GNG7: variants seen among roughly 807,000 people sequenced by gnomAD.
GNG7 encodes the protein G protein subunit gamma 7, also known as guanine nucleotide-binding protein G(I)/G(S)/G(O) subunit gamma-7.
In GNG7, 1 loss-of-function variant was observed where a neutral mutation model predicts 4.0. That is an observed-to-expected ratio of 0.25 (90% CI 0.09 to 1.18). The LOEUF (loss-of-function observed/expected upper bound fraction) is 1.18. Ranked by LOEUF, GNG7 falls within the 50% of genes most tolerant of loss-of-function variation. GNG7 has a pLI of 0.50. For synonymous variants in GNG7, 34 were observed against 36.9 expected, an observed-to-expected ratio of 0.92 and a Z score of 0.29; for missense variants, 86 against 91.9, an observed-to-expected ratio of 0.94 and a Z score of 0.26.
chr19:2,521,150 C>T (rs1161995163), intron 3 of GNG7, among the ~76,000 whole-genome samples: 1 of 151,470 alleles, frequency 6.6e-6, no homozygotes. Context: ...CCTATAGTCC[C>T]AGCTACTCTG....
At chr19:2,550,807 T>C (rs745588594) in intron 3 of GNG7, among the ~76,000 whole-genome samples, 1 of 152,040 alleles carries the variant, frequency 6.6e-6, no homozygotes, top group Non-Finnish European at 1.5e-5. Context: ...CTAGGAGAAC[T>C]AAAGGAATTG....
chr19:2,516,344 C>G (rs1972734750), intron 4 of GNG7, among the ~76,000 whole-genome samples: 1 of 152,024 alleles, frequency 6.6e-6, no homozygotes, highest in South Asian at 2.1e-4. Flanking sequence ...CCTGCCTCAG[C>G]CTCCTGAGTA....
chr19:2,580,502 G>C (rs891105468), intron 2 of GNG7, among the ~76,000 whole-genome samples: 1 of 151,660 alleles, frequency 6.6e-6, no homozygotes, highest in Admixed American at 6.6e-5. Flanking sequence ...TGTTAGCCAG[G>C]CTGGTCTCGA....
At chr19:2,652,578 C>T (rs897715977) in intron 1 of GNG7, among the ~76,000 whole-genome samples, 1 of 152,156 alleles carries the variant, frequency 6.6e-6, no homozygotes, top group Non-Finnish European at 1.5e-5. Flanking sequence ...GGGATCGTGC[C>T]ACCTGCACTC....
chr19:2,522,702 A>G (rs1248373286), intron 3 of GNG7, among the ~76,000 whole-genome samples: 1 of 131,378 alleles, frequency 7.6e-6, no homozygotes, highest in Non-Finnish European at 1.6e-5. Flanking sequence ...CAGTGAGCAG[A>G]GATCACGCCA....
At chr19:2,637,224 C>T (rs1599433786) in intron 2 of GNG7, among the ~76,000 whole-genome samples, 1 of 152,166 alleles carries the variant, frequency 6.6e-6, no homozygotes, top group East Asian at 1.9e-4. Flanking sequence ...CCCCCGCCCC[C>T]GAGCCCGGCC....
chr19:2,696,939 G>A (rs540173993), intron 1 of GNG7, among the ~76,000 whole-genome samples: 8 of 152,266 alleles, frequency 5.3e-5, no homozygotes, highest in South Asian at 4.1e-4. Flanking sequence ...CGCAACCTCC[G>A]CCTCCCAGGT....
chr19:2,695,382 C>T (rs900022461), intron 1 of GNG7, among the ~76,000 whole-genome samples: 5 of 152,144 alleles, frequency 3.3e-5, no homozygotes, highest in Middle Eastern at 3.2e-3. Context: ...GGCTCAGGCC[C>T]CTCTGACCCA....
chr19:2,667,657 G>A (rs1480237197), intron 1 of GNG7, among the ~76,000 whole-genome samples: 1 of 152,134 alleles, frequency 6.6e-6, no homozygotes, highest in Admixed American at 6.6e-5. Context: ...GCTCATGCCT[G>A]TAATCCCAGC....
chr19:2,607,648 G>A (rs1403483890), intron 2 of GNG7, among the ~76,000 whole-genome samples: 2 of 151,086 alleles, frequency 1.3e-5, no homozygotes, highest in African/African-American at 4.9e-5. Context: ...ACATTGTTAT[G>A]TATTTTAACA....
At chr19:2,670,671 T>A (rs1331494847) in intron 1 of GNG7, among the ~76,000 whole-genome samples, 1 of 152,146 alleles carries the variant, frequency 6.6e-6, no homozygotes, top group Non-Finnish European at 1.5e-5. Context: ...TGGAGTGTTC[T>A]CTCGGGCGGG....
intron 3 of GNG7, among the ~76,000 whole-genome samples, chr19:2,533,389 G>A (rs1025241434): frequency 6.6e-6 from 1 of 151,988 alleles, no homozygotes; most frequent in Non-Finnish European, 1.5e-5. Flanking sequence ...AATGAAAACA[G>A]AGGTTGCTGC....
rs1599365975 is a variant in GNG7 at position 2,512,064 on chromosome 19, A to G, written c.*2958T>C. The G allele has an allele frequency of 5.1e-6, 5 of 985,762 alleles. No individual in the cohort carries two copies. In the African/African-American group the frequency reaches 5.2e-5, roughly 10 times the overall value. The allele number at this position is 985,762 out of a possible 1,614,324, so 61.1% of individuals were successfully genotyped here. On this transcript the variant is annotated 3_prime_UTR_variant, in exon 5 of 5. Transcript: ENST00000382159. This position sits in a 1 kb window ranked among gnomAD's most constrained non-coding sequence, Gnocchi z 4.7. Reference sequence around the variant, plus strand: ...AAGGAGAAACGGCCTTCTCTCTCCCACCCGACGCTGCCTTGTGTGTGTGCG... The same window carrying G: ...AAGGAGAAACGGCCTTCTCTCTCCCGCCCGACGCTGCCTTGTGTGTGTGCG...
intron 1 of GNG7, among the ~76,000 whole-genome samples, chr19:2,690,675 C>T (rs887204860): frequency 6.6e-6 from 1 of 152,096 alleles, no homozygotes; most frequent in Non-Finnish European, 1.5e-5. Context: ...CTCACTGCAG[C>T]CTCCACCTCC....
chr19:2,592,628 T>A (rs1471010727), intron 2 of GNG7, among the ~76,000 whole-genome samples: 2 of 151,576 alleles, frequency 1.3e-5, no homozygotes, highest in African/African-American at 4.9e-5. Flanking sequence ...TCCCAGCTAC[T>A]CAGGACGTTG....
intron 2 of GNG7, among the ~76,000 whole-genome samples, chr19:2,605,414 G>T (rs781552940): frequency 6.6e-6 from 1 of 150,916 alleles, no homozygotes; most frequent in Admixed American, 6.6e-5. Flanking sequence ...GGCCAAACAG[G>T]TCTCAAACTT....
In GNG7 at chr19:2,611,004, C is replaced by A. The variant is rs924209850; in HGVS notation, c.-78+35220G>T. 4.6e-5 allele frequency: 1 copy of A among 21,868 alleles called. No individual in the cohort carries two copies. The highest frequency in any genetic ancestry group is 3.0e-4 in the Non-Finnish European group (1 of 3,320). 1.4% of individuals were successfully genotyped at this position (21,868 alleles called of 1,614,324 possible). A position where few individuals can be genotyped will look rare whatever the true frequency, so the allele number is the denominator to read the frequency against. The stretch of plus-strand genomic sequence containing the variant: ...GGGGAACGGGCTCACGTGCCAGGCT[C>A]GGGGGGGGGGAAGCGTCCTCAACAT... On this transcript the variant is annotated intron_variant, in intron 2 of 4. Transcript: ENST00000382159. The surrounding 1 kb of genome is among the most constrained non-coding windows in gnomAD (Gnocchi z 6.0).
At chr19:2,587,565 G>A (rs1340407783) in intron 2 of GNG7, among the ~76,000 whole-genome samples, 1 of 152,052 alleles carries the variant, frequency 6.6e-6, no homozygotes, top group East Asian at 1.9e-4. Context: ...GTACGCAGGC[G>A]GCCACCTTGT....
intron 3 of GNG7, among the ~76,000 whole-genome samples, chr19:2,541,277 C>T (rs187258828): frequency 7.2e-4 from 109 of 152,060 alleles, no homozygotes; most frequent in African/African-American, 2.5e-3. Context: ...TCAAAGCCAG[C>T]CTGGGGCAAC....
Sources: gnomAD v4.1 joint callset for allele counts (sites outside exome capture counted in the v4.1 genomes callset) on GRCh38, gnomAD v4.1.1 for gene constraint, Gnocchi (gnomAD v3.1) non-coding constraint, MANE v1.5 for transcripts, NCBI Gene and HGNC (gene_info 2026-07-23, HGNC 2026-07-21) for gene names.